The following LRBA variants were observed in gnomAD, a reference collection of about 807,000 sequenced individuals.
The protein encoded by LRBA is lipopolysaccharide-responsive and beige-like anchor protein.
A neutral mutation model predicts 330.0 loss-of-function variants in LRBA; 176 were observed. The ratio of observed to expected loss-of-function variants is 0.53; its 90% CI spans 0.47 to 0.60. LRBA has a LOEUF of 0.60. Ranked by LOEUF, LRBA falls within the 20% of genes least tolerant of loss-of-function variation. LRBA has a pLI of 0.00. For synonymous variants in LRBA, 1,230 were observed against 1,193.0 expected, an observed-to-expected ratio of 1.03 and a Z score of -0.64; for missense variants, 3,259 against 3,444.8, an observed-to-expected ratio of 0.95 and a Z score of 1.35.
rs2126502620 is a variant in LRBA, at chr4:150,597,726, AAAAG to A, written c.6046+1277_6046+1280del. Among the ~76,000 whole-genome samples, 3 of 152,068 alleles carry A rather than the reference AAAAG, an allele frequency of 2.0e-5. No homozygotes were observed. In the South Asian group the frequency reaches 6.2e-4, roughly 32 times the overall value. ...CAGAAAATCCAAAAAAACACACAAAAAAAGAAAAAAAAACCCTCTGAAATCTGTT... is the reference window on the plus strand; with the variant it reads ...CAGAAAATCCAAAAAAACACACAAAAAAAAAAAAACCCTCTGAAATCTGTT... On this transcript the variant is annotated intron_variant, in intron 38 of 56. Coordinates refer to ENST00000651943, the MANE Select transcript of LRBA (RefSeq NM_001364905.1).
At chr4:150,339,162 A>G (rs1474368183) in intron 48 of LRBA, among the ~76,000 whole-genome samples, 1 of 152,198 alleles carries the variant, frequency 6.6e-6, no homozygotes, top group African/African-American at 2.4e-5. Context: ...AAATGAAGAA[A>G]TAAACTCAAA....
chr4:150,436,323 T>C (rs1751106002), intron 45 of LRBA, among the ~76,000 whole-genome samples: 1 of 152,182 alleles, frequency 6.6e-6, no homozygotes, highest in African/African-American at 2.4e-5. Context: ...AACCAATATA[T>C]TATCAATACA....
chr4:150,417,657 A>C (rs1214343028), intron 46 of LRBA, among the ~76,000 whole-genome samples: 2 of 152,164 alleles, frequency 1.3e-5, no homozygotes, highest in Non-Finnish European at 2.9e-5. Context: ...CAAAGCAATA[A>C]TTATAATGGA....
chr4:150,691,025 G>A (rs549854459), intron 36 of LRBA, among the ~76,000 whole-genome samples: 1 of 148,390 alleles, frequency 6.7e-6, no homozygotes, highest in East Asian at 2.0e-4. Context: ...CGCCTCCCAG[G>A]TTCACGCCAT....
At chr4:150,455,079 C>T (rs1156278629) in intron 44 of LRBA, among the ~76,000 whole-genome samples, 11 of 151,204 alleles carry the variant, frequency 7.3e-5, no homozygotes, top group African/African-American at 2.7e-4. Flanking sequence ...CACCCACTAA[C>T]TCGTCATCTA....
chr4:150,334,353 T>C (rs560613542), intron 48 of LRBA, among the ~76,000 whole-genome samples: 1 of 152,212 alleles, frequency 6.6e-6, no homozygotes, highest in South Asian at 2.1e-4. Flanking sequence ...TATTAATACA[T>C]AGAAGAGTAA....
At chr4:150,839,761 T>C (rs571296220) in intron 28 of LRBA, among the ~76,000 whole-genome samples, 7 of 152,096 alleles carry the variant, frequency 4.6e-5, no homozygotes, top group African/African-American at 1.4e-4. Context: ...GGGAGAGGGA[T>C]AGCATTAGAA....
intron 40 of LRBA, among the ~76,000 whole-genome samples, chr4:150,572,228 T>C (rs1439533298): frequency 6.6e-6 from 1 of 152,148 alleles, no homozygotes; most frequent in Non-Finnish European, 1.5e-5. Flanking sequence ...ACTCCTATTT[T>C]ATTCTGAAAA....
chr4:150,828,682 A>G lies in LRBA; in HGVS notation c.4730-61T>C, dbSNP rs1746651459. 1.6e-5 allele frequency: 22 copies of G among 1,413,856 alleles called. No individual in the cohort carries two copies. The South Asian group carries it at 2.5e-4, about 16-fold the overall frequency. The allele number at this position is 1,413,856 out of a possible 1,614,324, so 87.6% of individuals were successfully genotyped here. A position where few individuals can be genotyped will look rare whatever the true frequency, so the allele number is the denominator to read the frequency against. ...CAAAAGTTTAGAACTAATTTTTAAA[A>G]GGTATATTCTGTTTTAATAGCTATC... On this transcript the variant is annotated intron_variant, in intron 29 of 56. Coordinates refer to ENST00000651943, the MANE Select transcript of LRBA (RefSeq NM_001364905.1).
chr4:150,579,319 C>A (rs1345172092), intron 40 of LRBA: 1 of 454,788 alleles, frequency 2.2e-6, no homozygotes, highest in Non-Finnish European at 4.4e-6. Context: ...ACCGCAAAGG[C>A]GCAGCTGAAG....
intron 2 of LRBA, among the ~76,000 whole-genome samples, chr4:150,932,164 G>A (rs556028391): frequency 1.3e-5 from 2 of 151,908 alleles, no homozygotes; most frequent in Admixed American, 1.3e-4. Flanking sequence ...TTCTAACTAA[G>A]AGTTTTTAAG....
intron 47 of LRBA, among the ~76,000 whole-genome samples, chr4:150,374,568 C>G (rs1451569432): frequency 6.6e-6 from 1 of 152,098 alleles, no homozygotes; most frequent in African/African-American, 2.4e-5. Flanking sequence ...CATACCTAAT[C>G]CAAAAATTCA....
chr4:150,649,264 A>G (rs1465639054), intron 37 of LRBA, among the ~76,000 whole-genome samples: 1 of 152,184 alleles, frequency 6.6e-6, no homozygotes, highest in African/African-American at 2.4e-5. Context: ...AATGGTTGAG[A>G]GAACAGACCA....
chr4:150,428,499 T>G (rs1231025617), intron 46 of LRBA, among the ~76,000 whole-genome samples: 1 of 152,068 alleles, frequency 6.6e-6, no homozygotes, highest in African/African-American at 2.4e-5. Flanking sequence ...CAGGCATATA[T>G]CCATTTGAGT....
chr4:150,642,653 T>C (rs1352405831), intron 37 of LRBA, among the ~76,000 whole-genome samples: 1 of 151,926 alleles, frequency 6.6e-6, no homozygotes, highest in Non-Finnish European at 1.5e-5. Context: ...TTTTACATTT[T>C]ACTCTGCATA....
rs564160085 is a variant in LRBA at position 150,905,686 on chromosome 4, G to A, written c.1755+152C>T. Reference sequence around the variant, plus strand: ...CACACAATTTGCAATTTTTCCTGAAGAGTAAAAAAGGATGCTTAGTCAAAA... The same window carrying A: ...CACACAATTTGCAATTTTTCCTGAAAAGTAAAAAAGGATGCTTAGTCAAAA... On this transcript the variant is annotated intron_variant, in intron 13 of 56. Transcript: ENST00000651943. 1.2e-3 allele frequency: 709 copies of A among 594,804 alleles called. 1 individual carries two copies. Among genetic ancestry groups the A allele is most frequent in the Non-Finnish European group, 1.7e-3 (583 of 352,032 alleles). 36.8% of individuals were successfully genotyped at this position (594,804 alleles called of 1,614,324 possible).
rs573043953 is a variant in LRBA at position 150,631,178 on chromosome 4, A to G, written c.5922-32047T>C. Among the ~76,000 whole-genome samples, 4 of 151,856 alleles carry G rather than the reference A, an allele frequency of 2.6e-5. No homozygotes were observed. The South Asian group carries it at 8.3e-4, about 31-fold the overall frequency. Reference sequence around the variant, plus strand: ...GATTTCAGAGTTTAGACTATTCTTGATCTTTAAAAAAAAAAAAGTAAATGC... The same window carrying G: ...GATTTCAGAGTTTAGACTATTCTTGGTCTTTAAAAAAAAAAAAGTAAATGC... On this transcript the variant is annotated intron_variant, in intron 37 of 56. Transcript: ENST00000651943.
At chr4:150,380,835 A>G (rs1465021646) in intron 47 of LRBA, among the ~76,000 whole-genome samples, 1 of 150,578 alleles carries the variant, frequency 6.6e-6, no homozygotes, top group Admixed American at 6.6e-5. Context: ...AAAAAAAATT[A>G]GCCAGGTGAG....
At chr4:150,736,748 T>C (rs1731232405) in intron 35 of LRBA, among the ~76,000 whole-genome samples, 1 of 152,148 alleles carries the variant, frequency 6.6e-6, no homozygotes, top group African/African-American at 2.4e-5. Flanking sequence ...GATGGAGTGC[T>C]ACAAAACCCA....
Sources: allele counts gnomAD v4.1 joint callset (sites outside exome capture counted in the v4.1 genomes callset), GRCh38; gene constraint gnomAD v4.1.1; transcripts MANE v1.5; gene names NCBI Gene and HGNC (gene_info 2026-07-23, HGNC 2026-07-21).